The following RTN3 variants were observed in gnomAD, a reference collection of about 807,000 sequenced individuals.
The protein encoded by RTN3 is reticulon 3.
Under a neutral mutation model 77.8 loss-of-function variants are expected in RTN3, and 49 were observed. The observed-to-expected ratio is 0.63, with a 90% confidence interval of 0.50 to 0.80. RTN3 has a LOEUF of 0.80. Among genes scored for constraint, RTN3 ranks in the 30% least tolerant of loss-of-function variants. RTN3 has a pLI of 0.00. For missense variants in RTN3, 1,236 were observed against 1,211.9 expected (o/e 1.02, Z -0.29); for synonymous variants, 464 against 446.9 (o/e 1.04, Z -0.48).
chr11:63,733,578 G>GA (rs887897332), intron 3 of RTN3, among the ~76,000 whole-genome samples: 3 of 151,916 alleles, frequency 2.0e-5, no homozygotes, highest in African/African-American at 7.3e-5. Context: ...AAAAGTGTTT[G>GA]AAAATGTTTG....
intron 2 of RTN3, 127 bp downstream of exon 2, chr11:63,705,034 T>C: frequency 1.3e-6 from 1 of 761,680 alleles, no homozygotes; most frequent in Admixed American, 2.1e-5. Context: ...AATTACAAGC[T>C]GATTCTTTCT....
chr11:63,714,112 T>A (rs756185194), intron 2 of RTN3: 5 of 476,614 alleles, frequency 1.0e-5, no homozygotes, highest in Non-Finnish European at 2.1e-5. Flanking sequence ...ATAAACTTTT[T>A]ACTTCCAGCC....
chr11:63,718,858 AAG>A lies in RTN3; in HGVS notation c.358_359del (p.Asp120ProfsTer34). 1 of 1,614,176 alleles carries A rather than the reference AAG, an allele frequency of 6.2e-7. No homozygotes were observed. Among genetic ancestry groups the A allele is most frequent in the Non-Finnish European group, 8.5e-7 (1 of 1,180,034 alleles). ...CAGCCTATTTTAGCCAAAGAAGGAA[AAG>A]ACCACTTGGATCTTCTAGATATGAA... On this transcript the variant is annotated frameshift_variant, in exon 3 of 9. Coordinates refer to ENST00000377819, the MANE Select transcript of RTN3 (RefSeq NM_001265589.2). LOFTEE classifies it high-confidence loss of function.
chr11:63,682,372 G>A (rs1941106621), intron 1 of RTN3, among the ~76,000 whole-genome samples: 3 of 152,054 alleles, frequency 2.0e-5, no homozygotes. Context: ...TAGACTCCAT[G>A]AATGCCGGAT....
intron 2 of RTN3, among the ~76,000 whole-genome samples, chr11:63,711,700 A>G (rs2011164500): frequency 6.6e-6 from 1 of 152,062 alleles, no homozygotes; most frequent in Admixed American, 6.6e-5. Flanking sequence ...GAGTAGCTGG[A>G]ATTACAGGCA....
intron 2 of RTN3, among the ~76,000 whole-genome samples, chr11:63,715,350 T>TC (rs1384459598): frequency 6.6e-6 from 1 of 152,138 alleles, no homozygotes; most frequent in Non-Finnish European, 1.5e-5. Flanking sequence ...ATCTGAAATC[T>TC]CCATCTCCAT....
At chr11:63,744,032 A>G (rs1417806391) in intron 3 of RTN3, among the ~76,000 whole-genome samples, 1 of 152,088 alleles carries the variant, frequency 6.6e-6, no homozygotes, top group African/African-American at 2.4e-5. Context: ...TCACGAGGTC[A>G]GGAGTTCGAG....
intron 3 of RTN3, among the ~76,000 whole-genome samples, chr11:63,744,185 T>C (rs1346903062): frequency 8.2e-6 from 1 of 122,390 alleles, no homozygotes; most frequent in Non-Finnish European, 1.6e-5. Context: ...GAGATTGCAG[T>C]GAGCCGAGAC....
rs199568088 is a variant in RTN3 at position 63,681,696 on chromosome 11, C to G, written c.60C>G (p.Ala20=). ...SHSISSSSFG[A]EPSAPGGGGS... Reference sequence around the variant, plus strand: ...CCATCTCCTCGTCGTCCTTCGGAGCCGAGCCGTCCGCGCCCGGCGGCGGCG... The same window carrying G: ...CCATCTCCTCGTCGTCCTTCGGAGCGGAGCCGTCCGCGCCCGGCGGCGGCG... The change falls in exon 1 of 9, where the codon GCC becomes GCG. Residue 20 remains alanine (A), a synonymous_variant. Coordinates refer to ENST00000377819, the MANE Select transcript of RTN3 (RefSeq NM_001265589.2). The G allele has an allele frequency of 1.7e-4, 266 of 1,611,334 alleles. No homozygotes were observed. Among genetic ancestry groups the G allele is most frequent in the Non-Finnish European group, 2.1e-4 (251 of 1,178,892 alleles).
Position 63,759,116 on chromosome 11 carries a change from C to G in RTN3, c.*915C>G, listed in dbSNP as rs2014536114. The G allele has an allele frequency of 6.6e-6, 1 of 152,214 alleles. No individual in the cohort carries two copies. Among genetic ancestry groups the G allele is most frequent in the South Asian group, 2.1e-4 (1 of 4,834 alleles). 9.4% of individuals were successfully genotyped at this position (152,214 alleles called of 1,614,324 possible). A position where few individuals can be genotyped will look rare whatever the true frequency, so the allele number is the denominator to read the frequency against. On this transcript the variant is annotated 3_prime_UTR_variant, in exon 9 of 9. Transcript: ENST00000377819. ...GAGAAAAAAATAACCTGCATGTGGG[C>G]TCCTCAGTTATTGAGTTTTTGTGAT...
chr11:63,690,660 G>T (rs1404301125), intron 1 of RTN3, among the ~76,000 whole-genome samples: 1 of 152,012 alleles, frequency 6.6e-6, no homozygotes, highest in African/African-American at 2.4e-5. Context: ...TTAATTTCTG[G>T]CTCCACGGTT....
intron 2 of RTN3, among the ~76,000 whole-genome samples, chr11:63,707,458 C>T (rs989158888): frequency 6.6e-6 from 1 of 152,166 alleles, no homozygotes; most frequent in African/African-American, 2.4e-5. Flanking sequence ...ACAGCATACA[C>T]TTATTCTTCC....
intron 1 of RTN3, among the ~76,000 whole-genome samples, chr11:63,696,000 C>G (rs892717977): frequency 6.6e-6 from 1 of 151,776 alleles, no homozygotes; most frequent in Admixed American, 6.6e-5. Flanking sequence ...CAATAAATTC[C>G]CATCTACAAC....
intron 3 of RTN3, among the ~76,000 whole-genome samples, chr11:63,738,078 TTATAAC>T (rs1466302955): frequency 1.3e-5 from 2 of 152,232 alleles, no homozygotes; most frequent in Non-Finnish European, 2.9e-5. Flanking sequence ...GCTTCATTTA[TTATAAC>T]TATTAATGTG....
intron 3 of RTN3, among the ~76,000 whole-genome samples, chr11:63,744,102 G>C (rs1423583537): frequency 6.6e-6 from 1 of 151,634 alleles, no homozygotes; most frequent in Non-Finnish European, 1.5e-5. Flanking sequence ...AATTAGCCGG[G>C]AGTGGTGGCA....
chr11:63,746,681 G>A (rs568487774), intron 3 of RTN3, among the ~76,000 whole-genome samples: 2 of 151,894 alleles, frequency 1.3e-5, no homozygotes, highest in Non-Finnish European at 2.9e-5. Context: ...CGCCCAGCTA[G>A]TGTTTTGTAT....
At chr11:63,697,778 C>T (rs1321967674) in intron 1 of RTN3, among the ~76,000 whole-genome samples, 1 of 152,022 alleles carries the variant, frequency 6.6e-6, no homozygotes, top group Non-Finnish European at 1.5e-5. Context: ...GCCCGGCCCA[C>T]CTGTGCTTTT....
rs1252131448 is a variant in RTN3 at position 63,718,773 on chromosome 11, G to A, written c.271G>A (p.Glu91Lys). 3 of 1,608,668 alleles carry A rather than the reference G, an allele frequency of 1.9e-6. No homozygotes were observed. The highest frequency in any genetic ancestry group is 1.3e-5 in the African/African-American group (1 of 74,472). The change falls in exon 3 of 9, where the codon GAA (glutamate) becomes AAA (lysine). Residue 91 changes from glutamate to lysine, a missense_variant. By Grantham distance (56) the Glu-to-Lys change is moderately conservative. This residue lies in a region of RTN3 where 1,056 missense variants were observed against 990.4 expected (regional missense o/e 1.07). Transcript: ENST00000377819. ...GACTTCTTCCTTTCTTTCATCTTCT[G>A]AAATACATAACACTGGCCTTACAAT... ...IMTSSFLSSSEIHNTGLTILH... is the reference protein window; with the variant it reads ...IMTSSFLSSSKIHNTGLTILH...
intron 3 of RTN3, among the ~76,000 whole-genome samples, chr11:63,744,227 C>A (rs2013660211): frequency 1.2e-5 from 1 of 84,064 alleles, no homozygotes; most frequent in Non-Finnish European, 2.0e-5. Flanking sequence ...GGCGACAGAG[C>A]AAGACTCTGT....
Sources: allele counts gnomAD v4.1 joint callset (sites outside exome capture counted in the v4.1 genomes callset), GRCh38; gene constraint gnomAD v4.1.1; regional missense constraint gnomAD v4.1.1; transcripts MANE v1.5; gene names NCBI Gene and HGNC (gene_info 2026-07-23, HGNC 2026-07-21).